POU2F1: variants seen among roughly 807,000 people sequenced by gnomAD.
POU2F1 encodes POU class 2 homeobox 1.
In POU2F1, 16 loss-of-function variants were observed where a neutral mutation model predicts 84.9. That is an observed-to-expected ratio of 0.19 (90% CI 0.13 to 0.29). The LOEUF (loss-of-function observed/expected upper bound fraction) is 0.29. POU2F1 is among the 10% of genes least tolerant of loss of function. The pLI is 1.00. For missense variants in POU2F1, 738 were observed against 942.6 expected (o/e 0.78, Z 2.84); for synonymous variants, 368 against 368.3 (o/e 1.00, Z 0.01).
At position 167,344,248 on chromosome 1, in the gene POU2F1, TAAC is replaced by T. The variant is rs1249807515; in HGVS notation, c.127+11717_127+11719del. The stretch of plus-strand genomic sequence containing the variant: ...GACAGTGCTTAAGTAGACTAAGAAA[TAAC>T]AACCATGGAGATCAGATGTGAATCA... On this transcript the variant is annotated intron_variant, in intron 2 of 15. Coordinates refer to ENST00000367866, the MANE Select transcript of POU2F1 (RefSeq NM_002697.4). Among the ~76,000 whole-genome samples the T allele has an allele frequency of 2.0e-5, 3 of 152,210 alleles. No homozygotes were observed. In the East Asian group the frequency reaches 5.8e-4, roughly 29 times the overall value.
intron 2 of POU2F1, among the ~76,000 whole-genome samples, chr1:167,343,249 C>G (rs1392873820): frequency 6.6e-6 from 1 of 152,146 alleles, no homozygotes; most frequent in Non-Finnish European, 1.5e-5. Context: ...TGTTAAATGA[C>G]TGAATAAGCA....
chr1:167,376,220 T>C lies in POU2F1; in HGVS notation c.718+65T>C. ...CTGTTCGCTGAATGTTACACATGCA[T>C]GAACTACTATCATTTTGGCCCTGAA... On this transcript the variant is annotated intron_variant, in intron 7 of 15. Coordinates refer to ENST00000367866, the MANE Select transcript of POU2F1 (RefSeq NM_002697.4). 2.0e-6 allele frequency: 3 copies of C among 1,505,248 alleles called. No individual in the cohort carries two copies. The South Asian group carries it at 3.9e-5, about 19-fold the overall frequency. The allele number at this position is 1,505,248 out of a possible 1,614,324, so 93.2% of individuals were successfully genotyped here. A position where few individuals can be genotyped will look rare whatever the true frequency, so the allele number is the denominator to read the frequency against.
chr1:167,375,029 TAA>T (rs879295202), intron 6 of POU2F1, among the ~76,000 whole-genome samples: 10 of 133,788 alleles, frequency 7.5e-5, no homozygotes, highest in Admixed American at 7.5e-5. Flanking sequence ...ATCGCGCCAC[TAA>T]AAAAAAAAAA....
At chr1:167,347,459 A>T (rs1571342367) in intron 2 of POU2F1, among the ~76,000 whole-genome samples, 1 of 152,210 alleles carries the variant, frequency 6.6e-6, no homozygotes, top group Admixed American at 6.5e-5. Context: ...CTGCTCTAGG[A>T]AAGTAAGCCA....
chr1:167,245,411 A>ATT lies in POU2F1; in HGVS notation c.61+24471_61+24472dup, dbSNP rs985054717. On this transcript the variant is annotated intron_variant, in intron 1 of 15. Transcript: ENST00000367866. ...GGTGCACCACCACCATGCCTGGCTAATTTTTTTTTTTTTTTTTTTGAGATG... is the reference window on the plus strand; with the variant it reads ...GGTGCACCACCACCATGCCTGGCTAATTTTTTTTTTTTTTTTTTTTTGAGATG... Among the ~76,000 whole-genome samples the ATT allele has an allele frequency of 1.5e-4, 20 of 132,466 alleles. 1 individual carries two copies. The highest frequency in any genetic ancestry group is 2.5e-4 in the African/African-American group (9 of 36,032). The allele number at this position is 132,466 out of a possible 152,430, so 86.9% of individuals were successfully genotyped here. A position where few individuals can be genotyped will look rare whatever the true frequency, so the allele number is the denominator to read the frequency against.
intron 1 of POU2F1, among the ~76,000 whole-genome samples, chr1:167,224,165 G>A (rs910527160): frequency 6.6e-6 from 1 of 152,128 alleles, no homozygotes; most frequent in African/African-American, 2.4e-5. Flanking sequence ...TAATGCTATT[G>A]TAAAAATTCA....
At chr1:167,370,350 C>G in intron 4 of POU2F1, 136 bp downstream of exon 4, 1 of 682,082 alleles carries the variant, frequency 1.5e-6, no homozygotes, top group Non-Finnish European at 2.2e-6. Flanking sequence ...CGTGAAGATT[C>G]AAATAATGAT....
At chr1:167,240,500 A>G (rs1649821592) in intron 1 of POU2F1, among the ~76,000 whole-genome samples, 1 of 152,226 alleles carries the variant, frequency 6.6e-6, no homozygotes, top group African/African-American at 2.4e-5. Context: ...ATTTAAAATA[A>G]TGAAATAAAT....
intron 2 of POU2F1, among the ~76,000 whole-genome samples, chr1:167,358,122 CTTTTTTT>C (rs763521021): frequency 7.2e-5 from 7 of 97,142 alleles, no homozygotes; most frequent in Non-Finnish European, 1.2e-4. Context: ...TTTTTCTTTT[CTTTTTTT>C]TTTTTTTTTT....
intron 2 of POU2F1, among the ~76,000 whole-genome samples, chr1:167,345,404 A>G (rs909132624): frequency 2.0e-5 from 3 of 152,252 alleles, no homozygotes; most frequent in East Asian, 1.9e-4. Context: ...GGAACAGTCA[A>G]TTAGGGATTT....
At chr1:167,269,498 T>A (rs945070230) in intron 1 of POU2F1, among the ~76,000 whole-genome samples, 2 of 152,176 alleles carry the variant, frequency 1.3e-5, no homozygotes, top group Non-Finnish European at 2.9e-5. Context: ...TAATAAGTGG[T>A]TTGTGGTAGA....
At chr1:167,315,908 C>T (rs1391234821) in intron 1 of POU2F1, among the ~76,000 whole-genome samples, 2 of 151,786 alleles carry the variant, frequency 1.3e-5, no homozygotes, top group Non-Finnish European at 2.9e-5. Flanking sequence ...ACTATTGATA[C>T]ACACCAAAGC....
chr1:167,231,613 A>C (rs1649067207), intron 1 of POU2F1, among the ~76,000 whole-genome samples: 1 of 152,210 alleles, frequency 6.6e-6, no homozygotes, highest in Non-Finnish European at 1.5e-5. Flanking sequence ...TAATGTACTG[A>C]GCACTGGTGG....
At chr1:167,318,486 A>G (rs1039868401) in intron 1 of POU2F1, among the ~76,000 whole-genome samples, 6 of 152,204 alleles carry the variant, frequency 3.9e-5, no homozygotes, top group South Asian at 4.1e-4. Flanking sequence ...CTGCAATGCA[A>G]TCTTCCCAAA....
intron 13 of POU2F1, among the ~76,000 whole-genome samples, chr1:167,411,588 G>A (rs1649972682): frequency 6.6e-6 from 1 of 152,134 alleles, no homozygotes; most frequent in South Asian, 2.1e-4. Context: ...AGACCCCTAA[G>A]GAGATTTCTG....
intron 2 of POU2F1, among the ~76,000 whole-genome samples, chr1:167,356,945 T>C (rs74353604): frequency 6.6e-6 from 1 of 152,194 alleles, no homozygotes; most frequent in African/African-American, 2.4e-5. Flanking sequence ...TTCCCTTTTC[T>C]GGTGGTGTGC....
At chr1:167,328,192 T>C (rs1318266179) in intron 1 of POU2F1, among the ~76,000 whole-genome samples, 3 of 152,218 alleles carry the variant, frequency 2.0e-5, no homozygotes, top group Non-Finnish European at 4.4e-5. Context: ...TTCTTTCTAC[T>C]TGAGATTTAT....
At position 167,363,619 on chromosome 1, in the gene POU2F1, T is replaced by G. The variant is rs557338723; in HGVS notation, c.128-1848T>G. 3.9e-5 allele frequency among the ~76,000 whole-genome samples: 6 copies of G among 152,366 alleles called. No individual in the cohort carries two copies. In the East Asian group the frequency reaches 1.2e-3, roughly 29 times the overall value. ...AAAGGAGGTGATTCTAATTACATTT[T>G]ATTTTCACGCAAGTTTTCAATTACT... On this transcript the variant is annotated intron_variant, in intron 2 of 15. Coordinates refer to ENST00000367866, the MANE Select transcript of POU2F1 (RefSeq NM_002697.4).
intron 1 of POU2F1, among the ~76,000 whole-genome samples, chr1:167,309,245 A>G (rs1460645432): frequency 6.6e-6 from 1 of 152,190 alleles, no homozygotes; most frequent in East Asian, 1.9e-4. Flanking sequence ...ACTAGAGAAT[A>G]GAATATATGT....
Sources: allele counts gnomAD v4.1 joint callset (sites outside exome capture counted in the v4.1 genomes callset), GRCh38; gene constraint gnomAD v4.1.1; transcripts MANE v1.5; gene names NCBI Gene and HGNC (gene_info 2026-07-23, HGNC 2026-07-21).